The following KCND2 variants were observed in gnomAD, a reference collection of about 807,000 sequenced individuals.
KCND2 encodes potassium voltage-gated channel subfamily D member 2, also known as A-type voltage-gated potassium channel KCND2.
In KCND2, 16 loss-of-function variants were observed where a neutral mutation model predicts 54.4. The observed-to-expected ratio is 0.29, with a 90% confidence interval of 0.20 to 0.45. The LOEUF (loss-of-function observed/expected upper bound fraction) is 0.45. Ranked by LOEUF, KCND2 falls within the 20% of genes least tolerant of loss-of-function variation. The probability of loss-of-function intolerance (pLI) is 1.00; values close to 1 mark genes in which losing one functional copy is unlikely to be tolerated. For missense variants in KCND2, 486 were observed against 824.2 expected, an observed-to-expected ratio of 0.59 and a Z score of 5.02; for synonymous variants, 317 against 310.7, an observed-to-expected ratio of 1.02 and a Z score of -0.21.
At chr7:120,602,880 T>A (rs987235659) in intron 1 of KCND2, among the ~76,000 whole-genome samples, 6 of 152,204 alleles carry the variant, frequency 3.9e-5, no homozygotes, top group Non-Finnish European at 1.5e-5. Context: ...AAATGTTTAT[T>A]CTTAGAAATC....
chr7:120,697,235 A>G (rs764947857), intron 1 of KCND2, among the ~76,000 whole-genome samples: 1 of 152,222 alleles, frequency 6.6e-6, no homozygotes, highest in Non-Finnish European at 1.5e-5. Context: ...TTTATACTGC[A>G]ACCAATAATT....
intron 1 of KCND2, among the ~76,000 whole-genome samples, chr7:120,500,439 C>G (rs948014849): frequency 6.6e-5 from 10 of 152,112 alleles, no homozygotes; most frequent in African/African-American, 2.4e-4. Context: ...GGGGGATAAT[C>G]TAACTTGATG....
chr7:120,653,507 G>A (rs1584870621), intron 1 of KCND2, among the ~76,000 whole-genome samples: 1 of 152,266 alleles, frequency 6.6e-6, no homozygotes, highest in Non-Finnish European at 1.5e-5. Context: ...TGTTCCCTAA[G>A]AGGCAATGTC....
chr7:120,331,371 TC>T (rs199926137), intron 1 of KCND2, among the ~76,000 whole-genome samples: 1,686 of 152,238 alleles, frequency 0.011, 15 homozygotes, highest in Middle Eastern at 0.034. Flanking sequence ...CTTCCTTATC[TC>T]TTTTTTTTGA....
intron 1 of KCND2, among the ~76,000 whole-genome samples, chr7:120,330,322 G>A (rs1251958996): frequency 1.3e-5 from 2 of 152,090 alleles, no homozygotes; most frequent in East Asian, 1.9e-4. Context: ...GCTCACGCCT[G>A]TAATCCCAGC....
intron 1 of KCND2, among the ~76,000 whole-genome samples, chr7:120,727,593 T>C (rs1193513890): frequency 2.6e-5 from 4 of 152,182 alleles, no homozygotes; most frequent in Admixed American, 2.6e-4. Flanking sequence ...CAAAATAATC[T>C]TCAATATTTG....
intron 1 of KCND2, among the ~76,000 whole-genome samples, chr7:120,383,940 C>T (rs1208604587): frequency 6.6e-6 from 1 of 152,026 alleles, no homozygotes; most frequent in African/African-American, 2.4e-5. Flanking sequence ...TTACATCTGG[C>T]AAATGTACAA....
At chr7:120,663,811 C>A (rs1253582922) in intron 1 of KCND2, among the ~76,000 whole-genome samples, 1 of 152,170 alleles carries the variant, frequency 6.6e-6, no homozygotes, top group African/African-American at 2.4e-5. Context: ...TATTTCCCAA[C>A]ATTCAGCTGC....
In KCND2 at chr7:120,748,060, A is replaced by C; in HGVS notation, c.*202A>C. The C allele has an allele frequency of 2.0e-6, 1 of 503,850 alleles. No individual in the cohort carries two copies. Among genetic ancestry groups the C allele is most frequent in the South Asian group, 2.5e-5 (1 of 39,406 alleles). The allele number at this position is 503,850 out of a possible 1,614,324, so 31.2% of individuals were successfully genotyped here. A position where few individuals can be genotyped will look rare whatever the true frequency, so the allele number is the denominator to read the frequency against. ...CTAGACAGTTTGACCTGTTATACAG[A>C]GTAATATTCTGTGGCCCTTTGACTT... On this transcript the variant is annotated 3_prime_UTR_variant, in exon 6 of 6. Coordinates refer to ENST00000331113, the MANE Select transcript of KCND2 (RefSeq NM_012281.3).
At chr7:120,603,358 C>T (rs1792838393) in intron 1 of KCND2, among the ~76,000 whole-genome samples, 1 of 152,070 alleles carries the variant, frequency 6.6e-6, no homozygotes, top group South Asian at 2.1e-4. Context: ...TTTTCAAATC[C>T]CCCAAGTGGG....
chr7:120,273,472 G>A lies in KCND2; in HGVS notation c.-1161G>A, dbSNP rs1295528686. Among the ~76,000 whole-genome samples, 8 of 150,792 alleles carry A rather than the reference G, an allele frequency of 5.3e-5. No homozygotes were observed. Among genetic ancestry groups the A allele is most frequent in the Admixed American group, 3.3e-4 (5 of 15,154 alleles). ...GCGCTGGCCAGGCTCCCGCGACAGT[G>A]GCCCCGCAGTAAGTTGGCAGGAGCG... On this transcript the variant is annotated 5_prime_UTR_variant, in exon 1 of 6. Coordinates refer to ENST00000331113, the MANE Select transcript of KCND2 (RefSeq NM_012281.3).
chr7:120,501,637 T>C (rs1802936575), intron 1 of KCND2, among the ~76,000 whole-genome samples: 1 of 152,142 alleles, frequency 6.6e-6, no homozygotes, highest in Non-Finnish European at 1.5e-5. Context: ...ATTATTTAGC[T>C]TGTAGACTTA....
intron 1 of KCND2, among the ~76,000 whole-genome samples, chr7:120,473,547 G>C (rs1459097280): frequency 1.3e-5 from 2 of 152,058 alleles, no homozygotes; most frequent in African/African-American, 4.8e-5. Context: ...TCCACCCCCA[G>C]CTATTCTTGT....
intron 1 of KCND2, among the ~76,000 whole-genome samples, chr7:120,479,255 A>G (rs1281812720): frequency 6.6e-6 from 1 of 152,174 alleles, no homozygotes; most frequent in African/African-American, 2.4e-5. Flanking sequence ...TTTTAAGAAA[A>G]AAATATAAAC....
intron 1 of KCND2, among the ~76,000 whole-genome samples, chr7:120,609,795 A>C (rs973713874): frequency 1.3e-5 from 2 of 152,172 alleles, no homozygotes; most frequent in Non-Finnish European, 2.9e-5. Flanking sequence ...TAAAAATTTC[A>C]GTACAGCTAC....
chr7:120,550,234 C>T (rs1306851954), intron 1 of KCND2, among the ~76,000 whole-genome samples: 2 of 151,794 alleles, frequency 1.3e-5, no homozygotes, highest in Non-Finnish European at 2.9e-5. Flanking sequence ...TTTGAATATC[C>T]CTAGAAGGAC....
chr7:120,662,772 G>T (rs1022905492), intron 1 of KCND2, among the ~76,000 whole-genome samples: 1 of 152,174 alleles, frequency 6.6e-6, no homozygotes, highest in Admixed American at 6.5e-5. Flanking sequence ...AAGATTTAAA[G>T]CTGGAAAGTG....
chr7:120,740,143 A>C (rs1792922794), intron 2 of KCND2, among the ~76,000 whole-genome samples: 1 of 152,036 alleles, frequency 6.6e-6, no homozygotes, highest in South Asian at 2.1e-4. Flanking sequence ...ATACATGTGA[A>C]TATATCTACT....
At chr7:120,722,908 G>A (rs1279870439) in intron 1 of KCND2, among the ~76,000 whole-genome samples, 2 of 152,156 alleles carry the variant, frequency 1.3e-5, no homozygotes, top group African/African-American at 4.8e-5. Context: ...ACAGTTCCAG[G>A]GGTGTCAGCA....
Sources: allele counts gnomAD v4.1 joint callset (sites outside exome capture counted in the v4.1 genomes callset), GRCh38; gene constraint gnomAD v4.1.1; transcripts MANE v1.5; gene names NCBI Gene and HGNC (gene_info 2026-07-23, HGNC 2026-07-21).